STEAP3: variants seen among roughly 807,000 people sequenced by gnomAD.
STEAP3 encodes STEAP3 metalloreductase.
A neutral mutation model predicts 34.9 loss-of-function variants in STEAP3; 35 were observed. That is an observed-to-expected ratio of 1.00 (90% CI 0.76 to 1.33). The LOEUF (loss-of-function observed/expected upper bound fraction) is 1.33, where lower values mean the gene tolerates loss of function less well. STEAP3 is among the 40% of genes most tolerant of loss of function. The pLI is 0.00. For missense variants in STEAP3, 652 were observed against 667.6 expected, an observed-to-expected ratio of 0.98 and a Z score of 0.26; for synonymous variants, 281 against 301.6, an observed-to-expected ratio of 0.93 and a Z score of 0.71.
At chr2:119,247,571 G>A (rs1677468379) in intron 3 of STEAP3, 108 bp from the exon 4 acceptor site, 1 of 1,296,812 alleles carries the variant, frequency 7.7e-7, no homozygotes, top group Admixed American at 2.9e-5. Context: ...CAGCTCACTT[G>A]AACAAGTCCC....
At position 119,265,181 on chromosome 2, in the gene STEAP3, T is replaced by G. The variant is rs1216659177; in HGVS notation, c.*1843T>G. On this transcript the variant is annotated 3_prime_UTR_variant, in exon 6 of 6. Transcript: ENST00000393110. ...ACCCACCAATGATCCCCAACCCCGG[T>G]GGGTACTGGCTGCCTGCCCTGGGCC... 6.6e-6 allele frequency: 1 copy of G among 152,320 alleles called. No individual in the cohort carries two copies. The highest frequency in any genetic ancestry group is 1.5e-5 in the Non-Finnish European group (1 of 68,150). 9.4% of individuals were successfully genotyped at this position (152,320 alleles called of 1,614,324 possible).
intron 4 of STEAP3, 83 bp downstream of exon 4, chr2:119,248,289 C>T: frequency 1.4e-6 from 2 of 1,461,136 alleles, no homozygotes; most frequent in Non-Finnish European, 1.8e-6. Flanking sequence ...CCAGGTGCAG[C>T]CGATACCCAC....
chr2:119,248,316 G>T, intron 4 of STEAP3, 110 bp downstream of exon 4: 1 of 1,258,832 alleles, frequency 7.9e-7, no homozygotes, highest in Non-Finnish European at 1.1e-6. Context: ...AGCCTTACCA[G>T]GTGCCAACTG....
chr2:119,227,528 G>A (rs768370886), intron 1 of STEAP3, among the ~76,000 whole-genome samples: 4 of 152,306 alleles, frequency 2.6e-5, no homozygotes, highest in Admixed American at 1.3e-4. Flanking sequence ...TGATTGTTCC[G>A]CAATCAGGCT....
intron 5 of STEAP3, among the ~76,000 whole-genome samples, chr2:119,257,085 G>A (rs958178441): frequency 3.3e-5 from 5 of 152,174 alleles, no homozygotes; most frequent in Non-Finnish European, 5.9e-5. Flanking sequence ...GTCAGTGTTT[G>A]CAAACTGGCG....
chr2:119,254,215 G>A (rs987695159), intron 4 of STEAP3, among the ~76,000 whole-genome samples: 3 of 152,108 alleles, frequency 2.0e-5, no homozygotes, highest in African/African-American at 7.2e-5. Flanking sequence ...AGAGCTAGGA[G>A]AGCTCCTCTC....
At chr2:119,243,683 A>C (rs543964527) in intron 2 of STEAP3, among the ~76,000 whole-genome samples, 1 of 152,352 alleles carries the variant, frequency 6.6e-6, no homozygotes, top group South Asian at 2.1e-4. Flanking sequence ...AAAACCTCTT[A>C]AGATTGCATG....
At chr2:119,243,221 T>TA (rs1468007179) in intron 2 of STEAP3, among the ~76,000 whole-genome samples, 1 of 152,186 alleles carries the variant, frequency 6.6e-6, no homozygotes, top group Non-Finnish European at 1.5e-5. Context: ...TAAGGAAGTT[T>TA]CCCATGCTGG....
intron 4 of STEAP3, 127 bp from the exon 5 acceptor site, chr2:119,254,557 A>G (rs961859418): frequency 9.7e-7 from 1 of 1,030,362 alleles, no homozygotes; most frequent in Admixed American, 2.0e-5. Context: ...CGCTTATCAC[A>G]GAGCCAGGTA....
intron 4 of STEAP3, among the ~76,000 whole-genome samples, chr2:119,251,284 A>G (rs1001643857): frequency 6.6e-6 from 1 of 152,210 alleles, no homozygotes; most frequent in African/African-American, 2.4e-5. Context: ...AAGGGAGCAC[A>G]TTAGTCTAGG....
intron 4 of STEAP3, chr2:119,248,864 G>A (rs1488914223): frequency 6.6e-6 from 1 of 152,520 alleles, no homozygotes; most frequent in East Asian, 1.9e-4. Context: ...AGAACAGACT[G>A]TAGGAGGTCA....
At chr2:119,239,262 T>TTTTTTG (rs1677174908) in intron 2 of STEAP3, 1 of 152,326 alleles carries the variant, frequency 6.6e-6, no homozygotes, top group Non-Finnish European at 1.5e-5. Context: ...GTGCGAGAAT[T>TTTTTTG]TTTTTGTTTT....
intron 1 of STEAP3, among the ~76,000 whole-genome samples, 167 bp from the exon 2 acceptor site, chr2:119,230,453 C>T (rs1676890507): frequency 6.6e-6 from 1 of 152,186 alleles, no homozygotes; most frequent in Non-Finnish European, 1.5e-5. Flanking sequence ...CAAATGCTGA[C>T]AGCATTATCA....
chr2:119,224,365 TGCAGGGGCTGG>T (rs1283517252), intron 1 of STEAP3, among the ~76,000 whole-genome samples: 1 of 152,088 alleles, frequency 6.6e-6, no homozygotes, highest in Non-Finnish European at 1.5e-5. Context: ...CAGGGGCAGG[TGCAGGGGCTGG>T]GCAGGGGCGC....
chr2:119,258,645 T>C (rs1036399715), intron 5 of STEAP3, among the ~76,000 whole-genome samples: 1 of 123,448 alleles, frequency 8.1e-6, no homozygotes, highest in African/African-American at 3.1e-5. Context: ...TCTCACTCCG[T>C]CACCCAGGCT....
chr2:119,235,935 C>T (rs1022301699), intron 2 of STEAP3, among the ~76,000 whole-genome samples: 1 of 152,154 alleles, frequency 6.6e-6, no homozygotes, highest in Non-Finnish European at 1.5e-5. Flanking sequence ...AGGGCTGTGG[C>T]CCTGAGCAGC....
chr2:119,245,415 T>C, intron 2 of STEAP3, 74 bp from the exon 3 acceptor site: 2 of 1,515,476 alleles, frequency 1.3e-6, no homozygotes, highest in South Asian at 1.3e-5. Flanking sequence ...AGTTACGATG[T>C]ATAAGAGGAG....
chr2:119,246,177 G>A, intron 3 of STEAP3, 189 bp downstream of exon 3: 1 of 829,596 alleles, frequency 1.2e-6, no homozygotes, highest in Non-Finnish European at 1.8e-6. Flanking sequence ...TCCATAGCTG[G>A]TAAGTTGGGA....
intron 1 of STEAP3, among the ~76,000 whole-genome samples, chr2:119,230,310 C>T (rs1054669885): frequency 2.6e-5 from 4 of 152,156 alleles, no homozygotes; most frequent in East Asian, 1.9e-4. Flanking sequence ...CTTCAGCCCC[C>T]GTCCATGCTT....
Sources: allele counts gnomAD v4.1 joint callset (sites outside exome capture counted in the v4.1 genomes callset), GRCh38; gene constraint gnomAD v4.1.1; transcripts MANE v1.5; gene names NCBI Gene and HGNC (gene_info 2026-07-23, HGNC 2026-07-21).